LINGO2: variants seen among roughly 807,000 people sequenced by gnomAD.
The protein encoded by LINGO2 is leucine-rich repeat and immunoglobulin-like domain-containing nogo receptor-interacting protein 2.
In LINGO2, 14 loss-of-function variants were observed where a neutral mutation model predicts 30.6. The ratio of observed to expected loss-of-function variants is 0.46; its 90% CI spans 0.30 to 0.72. The LOEUF is 0.72. Among genes scored for constraint, LINGO2 ranks in the 30% least tolerant of loss-of-function variants. The probability of loss-of-function intolerance (pLI) is 0.07; values close to 1 mark genes in which losing one functional copy is unlikely to be tolerated. For synonymous variants in LINGO2, 317 were observed against 288.5 expected (o/e 1.10, Z -1.00); for missense variants, 729 against 751.7 (o/e 0.97, Z 0.35).
At chr9:28,939,989 A>C in the LINGO2 span, among the ~76,000 whole-genome samples, 1 of 152,236 alleles carries the variant, frequency 6.6e-6, no homozygotes, top group Non-Finnish European at 1.5e-5. Flanking sequence ...GAAACTAATT[A>C]GCATTTTCAT....
At chr9:28,458,344 T>C (rs1399983828) in intron 2 of LINGO2, among the ~76,000 whole-genome samples, 1 of 152,206 alleles carries the variant, frequency 6.6e-6, no homozygotes, top group African/African-American at 2.4e-5. Flanking sequence ...ATAGTGACAC[T>C]TGTTCACAGC....
At chr9:28,704,582 C>G in the LINGO2 span, among the ~76,000 whole-genome samples, 3 of 151,690 alleles carry the variant, frequency 2.0e-5, no homozygotes, top group Non-Finnish European at 4.4e-5. Flanking sequence ...CTTGGGTATT[C>G]TGTATTTTTT....
chr9:28,639,368 G>A (rs1325720528), intron 1 of LINGO2, among the ~76,000 whole-genome samples: 2 of 151,720 alleles, frequency 1.3e-5, no homozygotes, highest in Non-Finnish European at 2.9e-5. Context: ...CAATTCCTGG[G>A]TATCCTTGTT....
chr9:28,849,221 T>C, the LINGO2 span, among the ~76,000 whole-genome samples: 2 of 151,166 alleles, frequency 1.3e-5, no homozygotes, highest in South Asian at 4.2e-4. Context: ...TTTGATGCTT[T>C]GGATAAACTT....
At chr9:28,651,910 G>C (rs920792918) in intron 1 of LINGO2, among the ~76,000 whole-genome samples, 1 of 151,984 alleles carries the variant, frequency 6.6e-6, no homozygotes, top group Admixed American at 6.6e-5. Context: ...TATTACCTTT[G>C]TGCACAATGT....
At chr9:29,185,051 A>G in the LINGO2 span, among the ~76,000 whole-genome samples, 1 of 152,106 alleles carries the variant, frequency 6.6e-6, no homozygotes, top group African/African-American at 2.4e-5. Context: ...GGAAGTCCCA[A>G]TGATCTTGGC....
intron 4 of LINGO2, among the ~76,000 whole-genome samples, chr9:28,219,611 G>C (rs533112572): frequency 2.6e-5 from 4 of 152,120 alleles, no homozygotes; most frequent in Non-Finnish European, 5.9e-5. Flanking sequence ...TGGCAAATCA[G>C]TTTAACTTCT....
the LINGO2 span, among the ~76,000 whole-genome samples, chr9:28,779,762 C>T: frequency 2.1e-4 from 32 of 152,148 alleles, no homozygotes; most frequent in Admixed American, 7.2e-4. Context: ...GTTATTTTCA[C>T]TCAAATATGC....
At chr9:27,996,527 C>T (rs1178703305) in intron 5 of LINGO2, among the ~76,000 whole-genome samples, 1 of 151,946 alleles carries the variant, frequency 6.6e-6, no homozygotes, top group Non-Finnish European at 1.5e-5. Flanking sequence ...ATAAGCCAGG[C>T]ACAGAAAAAC....
chr9:29,091,408 A>C, the LINGO2 span, among the ~76,000 whole-genome samples: 1 of 151,616 alleles, frequency 6.6e-6, no homozygotes, highest in Non-Finnish European at 1.5e-5. Context: ...TTCAAAAAAA[A>C]TTTTTTTGCT....
chr9:29,045,411 A>T, the LINGO2 span, among the ~76,000 whole-genome samples: 2 of 152,144 alleles, frequency 1.3e-5, no homozygotes. Context: ...TTTATATGGA[A>T]TATATTCCAT....
chr9:28,817,362 A>T, the LINGO2 span, among the ~76,000 whole-genome samples: 1 of 152,194 alleles, frequency 6.6e-6, no homozygotes, highest in African/African-American at 2.4e-5. Context: ...TGGATACTGA[A>T]CCATTTCACA....
intron 1 of LINGO2, among the ~76,000 whole-genome samples, chr9:28,544,679 T>C (rs1427991786): frequency 1.3e-5 from 2 of 151,730 alleles, no homozygotes; most frequent in Admixed American, 1.3e-4. Flanking sequence ...TAGCATCATA[T>C]TAAAAATGCC....
At chr9:28,432,740 G>T (rs1823729559) in intron 2 of LINGO2, among the ~76,000 whole-genome samples, 1 of 152,010 alleles carries the variant, frequency 6.6e-6, no homozygotes, top group Non-Finnish European at 1.5e-5. Context: ...GATACATTTT[G>T]TATTAACTGC....
chr9:28,866,825 A>G, the LINGO2 span, among the ~76,000 whole-genome samples: 2 of 152,178 alleles, frequency 1.3e-5, no homozygotes, highest in African/African-American at 4.8e-5. Context: ...ACTAGGCATC[A>G]GGTTTATTAG....
At chr9:28,896,120 A>G in the LINGO2 span, among the ~76,000 whole-genome samples, 1 of 152,172 alleles carries the variant, frequency 6.6e-6, no homozygotes. Flanking sequence ...CACTGGACAG[A>G]AGAATAGAGG....
chr9:28,198,105 G>A (rs1401503964), intron 4 of LINGO2, among the ~76,000 whole-genome samples: 7 of 150,460 alleles, frequency 4.7e-5, no homozygotes, highest in African/African-American at 9.8e-5. Context: ...CAGTTTACTC[G>A]TAGGAATTTA....
the LINGO2 span, among the ~76,000 whole-genome samples, chr9:28,755,487 G>T: frequency 2.0e-5 from 3 of 152,046 alleles, no homozygotes; most frequent in Non-Finnish European, 1.5e-5. Flanking sequence ...CTAATATCAA[G>T]TTGTAAAAAT....
intron 1 of LINGO2, among the ~76,000 whole-genome samples, chr9:28,556,114 C>A (rs1333459878): frequency 6.6e-6 from 1 of 152,034 alleles, no homozygotes; most frequent in East Asian, 1.9e-4. Flanking sequence ...CTCACCACTC[C>A]TATTCAACAT....
Sources: gnomAD v4.1 joint callset for allele counts (sites outside exome capture counted in the v4.1 genomes callset) on GRCh38, gnomAD v4.1.1 for gene constraint, MANE v1.5 for transcripts, NCBI Gene and HGNC (gene_info 2026-07-23, HGNC 2026-07-21) for gene names.